ANO10: variants seen among roughly 807,000 people sequenced by gnomAD.
The protein encoded by ANO10 is anoctamin 10, also known as anoctamin-10.
A neutral mutation model predicts 74.7 loss-of-function variants in ANO10; 77 were observed. The ratio of observed to expected loss-of-function variants is 1.03; its 90% CI spans 0.86 to 1.25. The LOEUF (loss-of-function observed/expected upper bound fraction) is 1.25. ANO10 is among the 50% of genes most tolerant of loss of function. ANO10 has a pLI of 0.00. For synonymous variants in ANO10, 279 were observed against 284.9 expected (o/e 0.98, Z 0.21); for missense variants, 721 against 778.1 (o/e 0.93, Z 0.87).
At chr3:43,636,942 TC>T (rs2083616589) in intron 1 of ANO10, among the ~76,000 whole-genome samples, 1 of 152,124 alleles carries the variant, frequency 6.6e-6, no homozygotes, top group African/African-American at 2.4e-5. Context: ...GGCGAGTGGA[TC>T]CTTGAGCCCT....
At chr3:43,513,159 C>A (rs1300295542) in intron 11 of ANO10, among the ~76,000 whole-genome samples, 1 of 152,128 alleles carries the variant, frequency 6.6e-6, no homozygotes, top group African/African-American at 2.4e-5. Flanking sequence ...AACATCAGAC[C>A]AGGTTGGAAG....
chr3:43,614,227 A>G (rs956023543), intron 1 of ANO10, among the ~76,000 whole-genome samples: 9 of 152,338 alleles, frequency 5.9e-5, no homozygotes, highest in Middle Eastern at 3.4e-3. Flanking sequence ...TCATAAAACA[A>G]TTTTGCTGAG....
At chr3:43,428,956 A>G (rs2092941083) in intron 12 of ANO10, among the ~76,000 whole-genome samples, 1 of 152,104 alleles carries the variant, frequency 6.6e-6, no homozygotes, top group South Asian at 2.1e-4. Context: ...GATAAAGGAT[A>G]CTCAACTTGT....
chr3:43,690,863 C>G, intron 1 of ANO10: 1 of 997,022 alleles, frequency 1.0e-6, no homozygotes. Context: ...CGCCGCCGGG[C>G]CGTGCTAGTG....
chr3:43,535,784 T>G (rs2078686227), intron 11 of ANO10, among the ~76,000 whole-genome samples: 1 of 152,302 alleles, frequency 6.6e-6, no homozygotes, highest in East Asian at 1.9e-4. Flanking sequence ...TCCATTAATC[T>G]CAGCTACTGT....
chr3:43,421,642 T>C (rs1421519441), intron 12 of ANO10, among the ~76,000 whole-genome samples: 1 of 152,136 alleles, frequency 6.6e-6, no homozygotes, highest in Non-Finnish European at 1.5e-5. Flanking sequence ...CTGGGCAACA[T>C]GGCAAGACCC....
intron 7 of ANO10, among the ~76,000 whole-genome samples, chr3:43,566,677 C>A (rs1196207670): frequency 6.6e-6 from 1 of 152,174 alleles, no homozygotes; most frequent in African/African-American, 2.4e-5. Flanking sequence ...ACACCAAAAA[C>A]CCATCTGTAC....
Position 43,416,471 on chromosome 3 carries a change from C to G in ANO10, c.1914+16140G>C, listed in dbSNP as rs567330396. Among the ~76,000 whole-genome samples the G allele has an allele frequency of 2.0e-5, 3 of 152,272 alleles. No homozygotes were observed. In the South Asian group the frequency reaches 6.2e-4, roughly 32 times the overall value. ...TCAAAAATTTATGGGGGAAAATTCACTTGTTCTCAACCATATTTTTATTAA... is the reference window on the plus strand; with the variant it reads ...TCAAAAATTTATGGGGGAAAATTCAGTTGTTCTCAACCATATTTTTATTAA... On this transcript the variant is annotated intron_variant, in intron 12 of 12. Transcript: ENST00000292246.
intron 10 of ANO10, among the ~76,000 whole-genome samples, chr3:43,554,192 T>C (rs1020284204): frequency 2.6e-5 from 4 of 151,056 alleles, no homozygotes; most frequent in African/African-American, 4.9e-5. Flanking sequence ...TTTTCTTTTT[T>C]TTTTTTTTTT....
intron 1 of ANO10, among the ~76,000 whole-genome samples, chr3:43,644,136 C>T (rs541043663): frequency 3.9e-5 from 6 of 152,114 alleles, no homozygotes; most frequent in South Asian, 4.2e-4. Context: ...AAAGGCTTTC[C>T]GTGTCCCCAG....
At chr3:43,386,648 C>CGTGTGTGTGTGTGTGTGTGT (rs36065814) in intron 12 of ANO10, among the ~76,000 whole-genome samples, 6 of 139,892 alleles carry the variant, frequency 4.3e-5, no homozygotes, top group Non-Finnish European at 6.2e-5. Context: ...TAGGTGTGTA[C>CGTGTGTGTGTGTGTGTGTGT]GTGTGTGTGT....
rs1165568564 is a variant in ANO10 at position 43,614,798 on chromosome 3, T to TGAAG, written c.-12+7110_-12+7111insCTTC. Among the ~76,000 whole-genome samples, 100 of 139,392 alleles carry TGAAG rather than the reference T, an allele frequency of 7.2e-4. 1 individual carries two copies. The highest frequency in any genetic ancestry group is 1.8e-3 in the Admixed American group (25 of 13,576). 91.4% of individuals were successfully genotyped at this position (139,392 alleles called of 152,430 possible). ...ATATATATATATATATATATATATATATATAGGTTCATTACAGTTTTTTAT... is the reference window on the plus strand; with the variant it reads ...ATATATATATATATATATATATATATGAAGATATAGGTTCATTACAGTTTTTTAT... On this transcript the variant is annotated intron_variant, in intron 1 of 12. Coordinates refer to ENST00000292246, the MANE Select transcript of ANO10 (RefSeq NM_018075.5).
chr3:43,559,638 G>T (rs1181033804), intron 9 of ANO10, among the ~76,000 whole-genome samples: 1 of 152,052 alleles, frequency 6.6e-6, no homozygotes, highest in East Asian at 1.9e-4. Context: ...CCAAAGATGA[G>T]GGGGGATGGA....
At chr3:43,378,440 G>C (rs1375448442) in intron 12 of ANO10, among the ~76,000 whole-genome samples, 1 of 152,228 alleles carries the variant, frequency 6.6e-6, no homozygotes, top group East Asian at 1.9e-4. Context: ...AGACCGCAGA[G>C]AAAGTATAAA....
At chr3:43,406,070 G>A (rs1178615365) in intron 12 of ANO10, among the ~76,000 whole-genome samples, 1 of 152,150 alleles carries the variant, frequency 6.6e-6, no homozygotes, top group East Asian at 1.9e-4. Flanking sequence ...ATGAAAGCAG[G>A]CTAACCACAG....
At chr3:43,396,070 T>G (rs2092373267) in intron 12 of ANO10, among the ~76,000 whole-genome samples, 1 of 150,742 alleles carries the variant, frequency 6.6e-6, no homozygotes, top group African/African-American at 2.4e-5. Flanking sequence ...ATTAATTTAT[T>G]TATTTATTTT....
chr3:43,445,479 T>C (rs186033148), intron 11 of ANO10, among the ~76,000 whole-genome samples: 28 of 152,292 alleles, frequency 1.8e-4, no homozygotes, highest in Admixed American at 5.2e-4. Context: ...TTAAAAAGAC[T>C]TTTACTTTAT....
chr3:43,508,422 G>A (rs9682975), intron 11 of ANO10, among the ~76,000 whole-genome samples: 7 of 152,026 alleles, frequency 4.6e-5, no homozygotes, highest in Admixed American at 1.3e-4. Context: ...AATACCATTT[G>A]ACCCAGCAAT....
chr3:43,385,997 C>T (rs1376045408), intron 12 of ANO10, among the ~76,000 whole-genome samples: 1 of 152,150 alleles, frequency 6.6e-6, no homozygotes, highest in Non-Finnish European at 1.5e-5. Context: ...AAATTCATCC[C>T]CCAAGGAGCT....
Sources: allele counts gnomAD v4.1 joint callset (sites outside exome capture counted in the v4.1 genomes callset), GRCh38; gene constraint gnomAD v4.1.1; transcripts MANE v1.5; gene names NCBI Gene and HGNC (gene_info 2026-07-23, HGNC 2026-07-21).